MGLL: variants seen among roughly 807,000 people sequenced by gnomAD.
MGLL encodes lysophospholipase homolog.
Under a neutral mutation model 29.1 loss-of-function variants are expected in MGLL, and 7 were observed. The observed-to-expected ratio is 0.24, with a 90% CI of 0.14 to 0.45. The LOEUF is 0.45. Ranked by LOEUF, MGLL falls within the 20% of genes least tolerant of loss-of-function variation. The pLI, the probability that MGLL is intolerant of heterozygous loss-of-function variation, is 0.99. For missense variants in MGLL, 356 were observed against 413.6 expected, an observed-to-expected ratio of 0.86 and a Z score of 1.21; for synonymous variants, 148 against 168.3, an observed-to-expected ratio of 0.88 and a Z score of 0.93.
chr3:127,734,889 G>C (rs1327365648), intron 3 of MGLL, among the ~76,000 whole-genome samples: 1 of 152,146 alleles, frequency 6.6e-6, no homozygotes, highest in Non-Finnish European at 1.5e-5. Context: ...TTACAATTTG[G>C]GTGTCTGCCC....
chr3:127,750,502 G>A (rs867100727), intron 3 of MGLL, among the ~76,000 whole-genome samples: 1 of 152,102 alleles, frequency 6.6e-6, no homozygotes, highest in African/African-American at 2.4e-5. Context: ...AGAGAACCAT[G>A]GTGGAGGAAA....
intron 2 of MGLL, among the ~76,000 whole-genome samples, chr3:127,787,493 A>T (rs1039127700): frequency 6.6e-6 from 1 of 152,260 alleles, no homozygotes; most frequent in Non-Finnish European, 1.5e-5. Context: ...CCTTAAAGGA[A>T]GAACGGAATG....
chr3:127,714,727 C>T (rs2075782709), intron 5 of MGLL, among the ~76,000 whole-genome samples: 1 of 152,152 alleles, frequency 6.6e-6, no homozygotes, highest in Non-Finnish European at 1.5e-5. Context: ...CAAGTTACAC[C>T]ACAGAGAGTG....
upstream of MGLL, chr3:127,822,987 G>A (rs1223511400): frequency 6.6e-6 from 1 of 152,260 alleles, no homozygotes; most frequent in African/African-American, 2.4e-5. Context: ...CACATGGGTA[G>A]CGGGAGCCCA....
At chr3:127,762,135 A>G (rs759554565) in intron 3 of MGLL, among the ~76,000 whole-genome samples, 1 of 152,248 alleles carries the variant, frequency 6.6e-6, no homozygotes, top group Non-Finnish European at 1.5e-5. Flanking sequence ...GCAGCCTGAC[A>G]GTGCAGTCGT....
chr3:127,767,182 T>TATCACC (rs1040375934), intron 3 of MGLL, among the ~76,000 whole-genome samples: 24 of 137,506 alleles, frequency 1.7e-4, no homozygotes, highest in South Asian at 7.1e-4. Context: ...TTACCATCAC[T>TATCACC]ATCACCATCA....
intron 3 of MGLL, among the ~76,000 whole-genome samples, chr3:127,757,809 C>T (rs866498586): frequency 1.6e-4 from 25 of 152,300 alleles, no homozygotes; most frequent in Admixed American, 5.2e-4. Flanking sequence ...CAGATGTGTT[C>T]AGCCACGTGT....
chr3:127,745,373 C>A (rs141890207), intron 3 of MGLL, among the ~76,000 whole-genome samples: 3 of 152,164 alleles, frequency 2.0e-5, no homozygotes, highest in Non-Finnish European at 4.4e-5. Flanking sequence ...GTCCTCAAAA[C>A]GAATGAAATC....
intron 2 of MGLL, among the ~76,000 whole-genome samples, chr3:127,796,095 C>T (rs2077378265): frequency 6.6e-6 from 1 of 152,158 alleles, no homozygotes; most frequent in Admixed American, 6.5e-5. Context: ...CCCTCCCCGC[C>T]CCACCACTCT....
intron 5 of MGLL, 64 bp from the exon 6 acceptor site, chr3:127,710,729 G>T: frequency 7.3e-7 from 1 of 1,365,822 alleles, no homozygotes; most frequent in Non-Finnish European, 1.0e-6. Context: ...CTCTTCCGCA[G>T]TGACAGTTTA....
chr3:127,790,666 G>C (rs776571659), intron 2 of MGLL, among the ~76,000 whole-genome samples: 1 of 152,080 alleles, frequency 6.6e-6, no homozygotes, highest in African/African-American at 2.4e-5. Context: ...AATGAGACCC[G>C]GTCCACTGCC....
At position 127,808,411 on chromosome 3, in the gene MGLL, G is replaced by A. The variant is rs115973520; in HGVS notation, c.155+13283C>T. ...CACACTTCTAGAGTCAACTTCAGAG[G>A]AGAAAAGTGACAGTTTCCTTCCCAA... On this transcript the variant is annotated intron_variant, in intron 2 of 7. Coordinates refer to ENST00000265052, the MANE Select transcript of MGLL (RefSeq NM_007283.7). 1.3e-3 allele frequency among the ~76,000 whole-genome samples: 196 copies of A among 152,312 alleles called. 1 individual carries two copies. The highest frequency in any genetic ancestry group is 4.1e-3 in the African/African-American group (170 of 41,562).
At chr3:127,714,736 T>C (rs972211471) in intron 5 of MGLL, among the ~76,000 whole-genome samples, 2 of 151,308 alleles carry the variant, frequency 1.3e-5, no homozygotes, top group African/African-American at 2.4e-5. Flanking sequence ...CCACAGAGAG[T>C]GTGCAAAGAG....
At chr3:127,725,955 C>T (rs1436548076) in intron 3 of MGLL, among the ~76,000 whole-genome samples, 1 of 151,580 alleles carries the variant, frequency 6.6e-6, no homozygotes, top group Non-Finnish European at 1.5e-5. Flanking sequence ...GTGGTGCACA[C>T]CTGTAATCCT....
chr3:127,777,656 G>A (rs1407882544), intron 3 of MGLL, among the ~76,000 whole-genome samples: 1 of 152,214 alleles, frequency 6.6e-6, no homozygotes, highest in Non-Finnish European at 1.5e-5. Flanking sequence ...AACTACAGAT[G>A]GAACCCTGGG....
At chr3:127,765,738 T>C (rs907832752) in intron 3 of MGLL, among the ~76,000 whole-genome samples, 1 of 152,232 alleles carries the variant, frequency 6.6e-6, no homozygotes. Flanking sequence ...AAGAAGAGTG[T>C]TCCCGCAGGA....
At chr3:127,768,272 G>C (rs1205712594) in intron 3 of MGLL, among the ~76,000 whole-genome samples, 1 of 152,164 alleles carries the variant, frequency 6.6e-6, no homozygotes, top group Non-Finnish European at 1.5e-5. Context: ...AACTAACTAA[G>C]AAGGAGCACT....
At chr3:127,693,841 T>A (rs1213905851) in intron 7 of MGLL, among the ~76,000 whole-genome samples, 1 of 152,226 alleles carries the variant, frequency 6.6e-6, no homozygotes, top group African/African-American at 2.4e-5. Flanking sequence ...AAGCAATGAA[T>A]GGATAGCTGG....
Position 127,692,278 on chromosome 3 carries a change from C to T in MGLL, c.862G>A (p.Val288Ile). Reference sequence around the variant, plus strand: ...ATTTCATGGAAGACGGAGTTGGTGACTTCAGGAAGCTCCTTGTGGAGAACA... The same window carrying T: ...ATTTCATGGAAGACGGAGTTGGTGATTTCAGGAAGCTCCTTGTGGAGAACA... ...YHVLHKELPE[V>I]TNSVFHEINM... Residue 288 changes from valine (V) to isoleucine (I), a missense_variant, in exon 8 of 8, where the codon GTC becomes ATC. Val to Ile is a conservative substitution (Grantham distance 29). Transcript: ENST00000265052. The T allele has an allele frequency of 6.2e-7, 1 of 1,614,006 alleles. No homozygotes were observed. The highest frequency in any genetic ancestry group is 8.5e-7 in the Non-Finnish European group (1 of 1,179,946).
Sources: gnomAD v4.1 joint callset for allele counts (sites outside exome capture counted in the v4.1 genomes callset) on GRCh38, gnomAD v4.1.1 for gene constraint, MANE v1.5 for transcripts, NCBI Gene and HGNC (gene_info 2026-07-23, HGNC 2026-07-21) for gene names.